Variants in VAV2 observed in about 807,000 individuals in gnomAD.
VAV2 encodes the protein vav guanine nucleotide exchange factor 2.
VAV2 carries 67 observed loss-of-function variants against 132.5 expected under a neutral mutation model. The observed-to-expected ratio is 0.51, with a 90% confidence interval of 0.42 to 0.62. The LOEUF (loss-of-function observed/expected upper bound fraction) is 0.62, where lower values mean the gene tolerates loss of function less well. Ranked by LOEUF, VAV2 falls within the 20% of genes least tolerant of loss-of-function variation. The pLI, the probability that VAV2 is intolerant of heterozygous loss-of-function variation, is 0.00. For missense variants in VAV2, 938 were observed against 1,153.6 expected, an observed-to-expected ratio of 0.81 and a Z score of 2.71; for synonymous variants, 492 against 443.5, an observed-to-expected ratio of 1.11 and a Z score of -1.37.
At chr9:133,895,928 C>CTT (rs551480342) in intron 2 of VAV2, among the ~76,000 whole-genome samples, 4 of 115,210 alleles carry the variant, frequency 3.5e-5, no homozygotes, top group African/African-American at 6.8e-5. Flanking sequence ...ACACTAAAAT[C>CTT]TTTTTTTTTT....
intron 2 of VAV2, among the ~76,000 whole-genome samples, chr9:133,875,682 C>T (rs1402210300): frequency 6.6e-6 from 1 of 152,230 alleles, no homozygotes; most frequent in East Asian, 1.9e-4. Context: ...AGAAACACCG[C>T]AGGAACACAC....
chr9:133,940,481 C>T (rs1033365839), intron 1 of VAV2, among the ~76,000 whole-genome samples: 3 of 152,138 alleles, frequency 2.0e-5, no homozygotes, highest in Admixed American at 6.5e-5. Context: ...GCACTGAGAA[C>T]GCCCTGGGAG....
At chr9:133,805,885 G>A (rs1320520061) in intron 9 of VAV2, among the ~76,000 whole-genome samples, 196 bp downstream of exon 9, 2 of 152,176 alleles carry the variant, frequency 1.3e-5, no homozygotes, top group East Asian at 1.9e-4. Flanking sequence ...CAGGACAGGA[G>A]GCTCCACACC....
chr9:133,925,309 C>T (rs1840435230), intron 2 of VAV2, among the ~76,000 whole-genome samples: 2 of 152,184 alleles, frequency 1.3e-5, no homozygotes, highest in Non-Finnish European at 2.9e-5. Context: ...CTCCGCCTCC[C>T]GGGCTCAAGC....
At chr9:133,938,426 A>G (rs2132132801) in intron 2 of VAV2, among the ~76,000 whole-genome samples, 1 of 152,308 alleles carries the variant, frequency 6.6e-6, no homozygotes, top group Non-Finnish European at 1.5e-5. Flanking sequence ...CAGGCTCACC[A>G]GGAGGCCACC....
chr9:133,789,178 C>T, intron 14 of VAV2, 80 bp downstream of exon 14: 1 of 1,491,900 alleles, frequency 6.7e-7, no homozygotes, highest in Non-Finnish European at 9.2e-7. Flanking sequence ...GCTTCCAGAG[C>T]CACTTAGGAG....
intron 9 of VAV2, among the ~76,000 whole-genome samples, chr9:133,799,240 G>A (rs968493621): frequency 7.2e-5 from 11 of 152,304 alleles, no homozygotes; most frequent in African/African-American, 2.4e-4. Context: ...GCACAGGGAC[G>A]GGCATCTTGA....
intron 1 of VAV2, among the ~76,000 whole-genome samples, chr9:133,984,233 C>CA (rs1842784731): frequency 6.6e-6 from 1 of 152,188 alleles, no homozygotes; most frequent in Non-Finnish European, 1.5e-5. Flanking sequence ...CTCAGCATCC[C>CA]AAAGTGCTGG....
chr9:133,952,329 T>C (rs1209358925), intron 1 of VAV2, among the ~76,000 whole-genome samples: 2 of 151,924 alleles, frequency 1.3e-5, no homozygotes, highest in African/African-American at 4.8e-5. Context: ...CAAGGCCGGG[T>C]GCGGTGGCTC....
Position 133,768,318 on chromosome 9 carries a change from T to C in VAV2, c.2589+124A>G. 1 of 1,346,752 alleles carries C rather than the reference T, an allele frequency of 7.4e-7. No homozygotes were observed. The allele number at this position is 1,346,752 out of a possible 1,614,324, so 83.4% of individuals were successfully genotyped here. A position where few individuals can be genotyped will look rare whatever the true frequency, so the allele number is the denominator to read the frequency against. On this transcript the variant is annotated intron_variant, in intron 29 of 29. Transcript: ENST00000371850. This position sits in a 1 kb window ranked among gnomAD's most constrained non-coding sequence, Gnocchi z 5.3. ...TGGGCTGCTGTGAGGATGAGGGAGA[T>C]TGCAGAGGGTGTCTGGAACAGGGCC...
At chr9:133,816,446 A>T (rs1167370739) in intron 4 of VAV2, among the ~76,000 whole-genome samples, 1 of 152,210 alleles carries the variant, frequency 6.6e-6, no homozygotes, top group Non-Finnish European at 1.5e-5. Flanking sequence ...TCGGAACTTC[A>T]TAGTTTTAGC....
chr9:133,899,471 C>T (rs58181972), intron 2 of VAV2, among the ~76,000 whole-genome samples: 12,602 of 151,784 alleles, frequency 0.083, 976 homozygotes, highest in African/African-American at 0.2. Flanking sequence ...TCCTATAGCA[C>T]GATCTGAGCT....
chr9:133,940,061 G>A (rs1841080255), intron 1 of VAV2, among the ~76,000 whole-genome samples: 2 of 152,338 alleles, frequency 1.3e-5, no homozygotes, highest in South Asian at 4.1e-4. Context: ...AGCAGGTGAG[G>A]TGGCCCGGGG....
chr9:133,778,271 C>T (rs969605582), intron 22 of VAV2, among the ~76,000 whole-genome samples: 4 of 152,158 alleles, frequency 2.6e-5, no homozygotes, highest in Non-Finnish European at 2.9e-5. Flanking sequence ...GAACCATAAA[C>T]GACATCACGA....
rs1014884419 is a variant in VAV2 at position 133,935,798 on chromosome 9, C to T, written c.321+3305G>A. On this transcript the variant is annotated intron_variant, in intron 2 of 29. Coordinates refer to ENST00000371850, the MANE Select transcript of VAV2 (RefSeq NM_001134398.2). The surrounding 1 kb of genome is among the most constrained non-coding windows in gnomAD (Gnocchi z 5.2). ...AGCACCGCCACAGAGACAGGGCTGG[C>T]GGGGCCGAGGCCAGGCCCACGCTGA... Among the ~76,000 whole-genome samples the T allele has an allele frequency of 6.6e-6, 1 of 152,158 alleles. No homozygotes were observed.
intron 29 of VAV2, among the ~76,000 whole-genome samples, chr9:133,766,920 T>C (rs1158360458): frequency 6.7e-6 from 1 of 148,194 alleles, no homozygotes; most frequent in East Asian, 1.9e-4. Flanking sequence ...CTTCCTTGCA[T>C]TGTCTGGGAA....
At chr9:133,875,319 C>T (rs1838218419) in intron 2 of VAV2, among the ~76,000 whole-genome samples, 2 of 152,216 alleles carry the variant, frequency 1.3e-5, no homozygotes, top group African/African-American at 2.4e-5. Context: ...GAGCCAACTG[C>T]CCCCACCACA....
chr9:133,809,091 C>T lies in VAV2; in HGVS notation c.615G>A (p.Glu205=). Residue 205 remains glutamate (E), a synonymous_variant, in exon 7 of 30, where the codon GAG becomes GAA. Coordinates refer to ENST00000371850, the MANE Select transcript of VAV2 (RefSeq NM_001134398.2). ...EDDKRNCCLL[E]IQETEAKYYR... is the part of the protein sequence containing the mutation. ...AGTACTTGGCCTCGGTCTCCTGGAT[C>T]TCCAGCAGGCAGCAGTTCCTCTTGT... The T allele has an allele frequency of 6.2e-7, 1 of 1,614,032 alleles. No individual in the cohort carries two copies. The highest frequency in any genetic ancestry group is 8.5e-7 in the Non-Finnish European group (1 of 1,179,956).
chr9:133,991,981 TG>T lies in VAV2; in HGVS notation c.204+93del. ...GCCCGGCCGCCCCAGCCAGGGCGCC[TG>T]GGCCGCCGCCGCTGCGACCTCCGCG... On this transcript the variant is annotated intron_variant, in intron 1 of 29. Coordinates refer to ENST00000371850, the MANE Select transcript of VAV2 (RefSeq NM_001134398.2). The surrounding 1 kb of genome is among the most constrained non-coding windows in gnomAD (Gnocchi z 4.8). The T allele has an allele frequency of 9.0e-7, 1 of 1,114,216 alleles. No individual in the cohort carries two copies. Among genetic ancestry groups the T allele is most frequent in the South Asian group, 4.0e-5 (1 of 25,072 alleles). The allele number at this position is 1,114,216 out of a possible 1,614,324, so 69.0% of individuals were successfully genotyped here. A position where few individuals can be genotyped will look rare whatever the true frequency, so the allele number is the denominator to read the frequency against.
Sources: allele counts gnomAD v4.1 joint callset (sites outside exome capture counted in the v4.1 genomes callset), GRCh38; gene constraint gnomAD v4.1.1; non-coding constraint Gnocchi (gnomAD v3.1); transcripts MANE v1.5; gene names NCBI Gene and HGNC (gene_info 2026-07-23, HGNC 2026-07-21).